Variants in CCDC171 observed in about 807,000 individuals in gnomAD.
CCDC171 encodes the protein coiled-coil domain containing 171.
CCDC171 carries 177 observed loss-of-function variants against 168.2 expected under a neutral mutation model. The ratio of observed to expected loss-of-function variants is 1.05; its 90% CI spans 0.93 to 1.19. The LOEUF (loss-of-function observed/expected upper bound fraction) is 1.19, where lower values mean the gene tolerates loss of function less well. CCDC171 is among the 50% of genes most tolerant of loss of function. CCDC171 has a pLI of 0.00. For missense variants in CCDC171, 1,991 were observed against 1,539.0 expected, an observed-to-expected ratio of 1.29 and a Z score of -4.91; for synonymous variants, 687 against 540.8, an observed-to-expected ratio of 1.27 and a Z score of -3.75.
At chr9:15,747,270 C>T (rs917630186) in intron 18 of CCDC171, among the ~76,000 whole-genome samples, 7 of 152,208 alleles carry the variant, frequency 4.6e-5, no homozygotes, top group Non-Finnish European at 8.8e-5. Context: ...AGATAAAACC[C>T]TCATCTTCCT....
At chr9:15,996,379 A>G (rs1368141255) in intron 3 of CCDC171, among the ~76,000 whole-genome samples, 5 of 149,574 alleles carry the variant, frequency 3.3e-5, no homozygotes, top group Admixed American at 3.3e-4. Context: ...GGGCATGCAC[A>G]GAAAATATAT....
chr9:15,763,203 C>T (rs1194273749), intron 18 of CCDC171, among the ~76,000 whole-genome samples: 2 of 152,176 alleles, frequency 1.3e-5, no homozygotes, highest in Non-Finnish European at 2.9e-5. Context: ...CTTCTGTTGT[C>T]CTCAGGATGT....
At chr9:15,798,730 A>C (rs1488182574) in intron 21 of CCDC171, among the ~76,000 whole-genome samples, 2 of 152,168 alleles carry the variant, frequency 1.3e-5, no homozygotes, top group Non-Finnish European at 2.9e-5. Context: ...TGGTAGATTT[A>C]AGTAGTTGCA....
chr9:15,823,214 A>G (rs1485368399), intron 21 of CCDC171, among the ~76,000 whole-genome samples: 1 of 152,012 alleles, frequency 6.6e-6, no homozygotes, highest in Non-Finnish European at 1.5e-5. Flanking sequence ...TAGGAGATAT[A>G]CCTAATGTTA....
intron 18 of CCDC171, among the ~76,000 whole-genome samples, chr9:15,753,286 G>C (rs2055881685): frequency 6.6e-6 from 1 of 152,156 alleles, no homozygotes; most frequent in South Asian, 2.1e-4. Context: ...TTAGAGAGGA[G>C]AGATGGCATT....
chr9:16,082,496 A>AT, the CCDC171 span, among the ~76,000 whole-genome samples: 2 of 152,206 alleles, frequency 1.3e-5, no homozygotes, highest in African/African-American at 2.4e-5. Context: ...ATAAAGCTTC[A>AT]TCAGTATTTT....
chr9:15,994,776 T>A (rs549577885), intron 3 of CCDC171, among the ~76,000 whole-genome samples: 1 of 152,338 alleles, frequency 6.6e-6, no homozygotes, highest in South Asian at 2.1e-4. Flanking sequence ...TGAACTATTT[T>A]GGCTATTTCA....
intron 1 of CCDC171, among the ~76,000 whole-genome samples, chr9:15,561,889 C>T (rs550773888): frequency 9.2e-5 from 14 of 152,068 alleles, no homozygotes; most frequent in Non-Finnish European, 1.5e-4. Flanking sequence ...AACCCATTTT[C>T]CTTCTTACCT....
chr9:15,997,793 C>G (rs1184436529), intron 3 of CCDC171, among the ~76,000 whole-genome samples: 2 of 152,178 alleles, frequency 1.3e-5, no homozygotes, highest in Non-Finnish European at 2.9e-5. Flanking sequence ...CTTGTTTATT[C>G]ACTGTCAGAA....
chr9:16,096,602 T>C, the CCDC171 span, among the ~76,000 whole-genome samples: 2 of 152,170 alleles, frequency 1.3e-5, no homozygotes, highest in Non-Finnish European at 2.9e-5. Flanking sequence ...CCTAGATGGA[T>C]ATGGAAGGGA....
At chr9:16,081,575 C>A in the CCDC171 span, among the ~76,000 whole-genome samples, 7 of 152,276 alleles carry the variant, frequency 4.6e-5, no homozygotes, top group African/African-American at 1.7e-4. Context: ...CCAGCACATG[C>A]AGAAGGGCCA....
At chr9:16,014,556 A>T (rs1832960739) in intron 3 of CCDC171, among the ~76,000 whole-genome samples, 1 of 152,176 alleles carries the variant, frequency 6.6e-6, no homozygotes, top group South Asian at 2.1e-4. Flanking sequence ...CATCAGGGGA[A>T]TCACCATCTA....
At chr9:15,709,870 C>G (rs1310921569) in intron 11 of CCDC171, among the ~76,000 whole-genome samples, 2 of 151,974 alleles carry the variant, frequency 1.3e-5, no homozygotes, top group African/African-American at 4.8e-5. Context: ...CAAATATGTA[C>G]AAAAGGAGGC....
At chr9:15,951,378 T>C (rs1333891884) in intron 25 of CCDC171, among the ~76,000 whole-genome samples, 1 of 152,156 alleles carries the variant, frequency 6.6e-6, no homozygotes, top group African/African-American at 2.4e-5. Flanking sequence ...CTGGTGATTC[T>C]ATTTTTAATT....
upstream of CCDC171, among the ~76,000 whole-genome samples, chr9:16,038,330 A>G (rs1165520321): frequency 3.3e-5 from 5 of 152,190 alleles, no homozygotes; most frequent in East Asian, 9.6e-4. Flanking sequence ...GGGAAGTTAA[A>G]TTTAAACAAG....
intron 24 of CCDC171, among the ~76,000 whole-genome samples, chr9:15,884,414 A>C (rs1819117028): frequency 6.6e-6 from 1 of 152,184 alleles, no homozygotes; most frequent in African/African-American, 2.4e-5. Flanking sequence ...TTTCAGGTTA[A>C]TATTTTTACC....
chr9:15,778,843 A>T, intron 19 of CCDC171, 125 bp from the exon 20 acceptor site: 1 of 630,368 alleles, frequency 1.6e-6, no homozygotes, highest in Non-Finnish European at 2.3e-6. Flanking sequence ...TCACCTCTAC[A>T]TTTCTGTAAT....
intron 11 of CCDC171, among the ~76,000 whole-genome samples, chr9:15,700,003 C>CTT (rs997151634): frequency 1.3e-5 from 2 of 152,258 alleles, no homozygotes; most frequent in Non-Finnish European, 2.9e-5. Context: ...CGCACCCGGG[C>CTT]TGCAGGTGGA....
intron 3 of CCDC171, among the ~76,000 whole-genome samples, chr9:15,989,990 T>C (rs964916635): frequency 6.6e-6 from 1 of 152,176 alleles, no homozygotes; most frequent in African/African-American, 2.4e-5. Flanking sequence ...AGGAACCAAG[T>C]TGGAAAACAC....
Sources: gnomAD v4.1 joint callset for allele counts (sites outside exome capture counted in the v4.1 genomes callset) on GRCh38, gnomAD v4.1.1 for gene constraint, MANE v1.5 for transcripts, NCBI Gene and HGNC (gene_info 2026-07-23, HGNC 2026-07-21) for gene names.